DNMT1: variants seen among roughly 807,000 people sequenced by gnomAD.
DNMT1 encodes DNA methyltransferase 1.
In DNMT1, 24 loss-of-function variants were observed where a neutral mutation model predicts 205.3. That is an observed-to-expected ratio of 0.12 (90% CI 0.08 to 0.16). The LOEUF (loss-of-function observed/expected upper bound fraction) is 0.16, where lower values mean the gene tolerates loss of function less well. Among genes scored for constraint, DNMT1 ranks in the 10% least tolerant of loss-of-function variants. The pLI is 1.00. For missense variants in DNMT1, 1,293 were observed against 2,177.7 expected, an observed-to-expected ratio of 0.59 and a Z score of 8.09; for synonymous variants, 817 against 839.8, an observed-to-expected ratio of 0.97 and a Z score of 0.47.
intron 9 of DNMT1, among the ~76,000 whole-genome samples, 162 bp downstream of exon 9, chr19:10,172,928 A>G (rs1158435457): frequency 1.3e-5 from 2 of 152,170 alleles, no homozygotes; most frequent in East Asian, 3.8e-4. Context: ...CGAGAAAACA[A>G]GTTTGAAAGG....
rs117579193 is a variant in DNMT1, at chr19:10,137,042, C to T, written c.4489+43G>A. 0.017 allele frequency: 26,789 copies of T among 1,592,596 alleles called. 264 individuals carry two copies. The highest frequency in any genetic ancestry group is 0.02 in the Middle Eastern group (122 of 6,028). On this transcript the variant is annotated intron_variant, in intron 37 of 40. Transcript: ENST00000359526. This position sits in a 1 kb window ranked among gnomAD's most constrained non-coding sequence, Gnocchi z 6.4. ...GGCCAAAGGCCCAGGGCTCTGCCTT[C>T]CTTCCCCTCAGCCCACCGGGAACCA...
chr19:10,160,309 C>T, intron 14 of DNMT1, 75 bp downstream of exon 14: 1 of 1,603,182 alleles, frequency 6.2e-7, no homozygotes, highest in East Asian at 2.2e-5. Context: ...TTACTGAAAC[C>T]CCTTCCCTTT....
chr19:10,186,429 G>A (rs537982065), intron 1 of DNMT1, among the ~76,000 whole-genome samples: 2 of 152,196 alleles, frequency 1.3e-5, no homozygotes, highest in South Asian at 2.1e-4. Context: ...GCAGACAGCC[G>A]TGAAGGACGG....
intron 34 of DNMT1, 82 bp downstream of exon 34, chr19:10,139,594 T>C: frequency 6.4e-7 from 1 of 1,555,804 alleles, no homozygotes; most frequent in Admixed American, 1.9e-5. Flanking sequence ...CATTGAACCC[T>C]GCCTTCAGTA....
At chr19:10,141,425 G>A (rs1360254450) in intron 30 of DNMT1, 2 of 537,598 alleles carry the variant, frequency 3.7e-6, no homozygotes, top group Non-Finnish European at 6.7e-6. Flanking sequence ...AAGCACTTGA[G>A]AGTACCTTCT....
chr19:10,169,158 T>C (rs1423470354), intron 9 of DNMT1, among the ~76,000 whole-genome samples: 3 of 150,432 alleles, frequency 2.0e-5, no homozygotes, highest in Non-Finnish European at 4.4e-5. Context: ...ACCAGACACA[T>C]CTTGCCAGAG....
At position 10,146,589 on chromosome 19, in the gene DNMT1, C is replaced by T. The variant is rs533273977; in HGVS notation, c.2721-65G>A. 1.2e-5 allele frequency: 19 copies of T among 1,600,552 alleles called. No individual in the cohort carries two copies. The South Asian group carries it at 1.8e-4, about 15-fold the overall frequency. ...TGGCCGGCAGTGGCCGCAGCAGCTA[C>T]TGCCAGCTTAATCCAGAGACTCTGG... On this transcript the variant is annotated intron_variant, in intron 27 of 40. Transcript: ENST00000359526. The surrounding 1 kb of genome is among the most constrained non-coding windows in gnomAD (Gnocchi z 4.4).
intron 25 of DNMT1, 68 bp downstream of exon 25, chr19:10,149,785 G>C: frequency 6.2e-7 from 1 of 1,604,376 alleles, no homozygotes; most frequent in South Asian, 1.1e-5. Context: ...TGCTATTTTG[G>C]CAAAACAGGC....
intron 7 of DNMT1, among the ~76,000 whole-genome samples, chr19:10,175,128 C>CATAT (rs74178238): frequency 9.9e-6 from 1 of 100,670 alleles, no homozygotes; most frequent in Non-Finnish European, 1.9e-5. Context: ...CACACACACA[C>CATAT]ATATATATAA....
At chr19:10,139,269 C>T (rs944643143) in intron 34 of DNMT1, among the ~76,000 whole-genome samples, 4 of 152,218 alleles carry the variant, frequency 2.6e-5, no homozygotes, top group Non-Finnish European at 5.9e-5. Flanking sequence ...GCAAAACTGT[C>T]TTTTAAACCA....
intron 24 of DNMT1, 27 bp from the exon 25 acceptor site, chr19:10,149,995 A>G (rs975217599): frequency 4.4e-6 from 7 of 1,602,336 alleles, no homozygotes; most frequent in Non-Finnish European, 6.0e-6. Flanking sequence ...AAGTTCATGG[A>G]GGATCATTCT....
chr19:10,141,755 G>T, intron 30 of DNMT1: 1 of 481,560 alleles, frequency 2.1e-6, no homozygotes. Context: ...GTTGCACCAA[G>T]ACACTAAAAC....
intron 3 of DNMT1, 57 bp downstream of exon 3, chr19:10,180,721 A>G: frequency 6.4e-7 from 1 of 1,557,420 alleles, no homozygotes; most frequent in Non-Finnish European, 8.8e-7. Context: ...CTGGTCACAG[A>G]CAAGTTACTA....
At chr19:10,174,736 CA>C (rs1018339312) in intron 7 of DNMT1, among the ~76,000 whole-genome samples, 2 of 149,242 alleles carry the variant, frequency 1.3e-5, no homozygotes, top group Non-Finnish European at 3.0e-5. Flanking sequence ...ACAACAACAA[CA>C]AAAAAAACAA....
In DNMT1 at chr19:10,146,309, C is replaced by A. The variant is rs746253259; in HGVS notation, c.2894+42G>T. On this transcript the variant is annotated intron_variant, in intron 28 of 40. Transcript: ENST00000359526. The surrounding 1 kb of genome is among the most constrained non-coding windows in gnomAD (Gnocchi z 4.4). ...ACACCACAAAGCCAGCCTGGCTCAG[C>A]CTGGAGCGCCCTGGCCCCGGCTGCT... 1.2e-6 allele frequency: 2 copies of A among 1,609,218 alleles called. No homozygotes were observed. Among genetic ancestry groups the A allele is most frequent in the Non-Finnish European group, 1.7e-6 (2 of 1,178,070 alleles).
intron 28 of DNMT1, 117 bp from the exon 29 acceptor site, chr19:10,144,104 G>T: frequency 9.6e-7 from 1 of 1,040,070 alleles, no homozygotes; most frequent in Non-Finnish European, 1.5e-6. Context: ...ATTAAGGTAG[G>T]TGTGTACCCT....
chr19:10,135,917 G>T, intron 38 of DNMT1, 65 bp from the exon 39 acceptor site: 1 of 1,516,090 alleles, frequency 6.6e-7, no homozygotes, highest in Non-Finnish European at 8.9e-7. Context: ...TCGGGGACAG[G>T]GAGGGAAATG....
intron 1 of DNMT1, among the ~76,000 whole-genome samples, chr19:10,183,947 G>T (rs2039128951): frequency 6.6e-6 from 1 of 152,166 alleles, no homozygotes. Context: ...CCAGTTACTT[G>T]GGAGGCTGAG....
At chr19:10,139,543 GCA>G (rs1158126175) in intron 34 of DNMT1, 131 bp downstream of exon 34, 3 of 1,460,330 alleles carry the variant, frequency 2.1e-6, no homozygotes, top group Non-Finnish European at 2.8e-6. Flanking sequence ...GTGGGACAGA[GCA>G]CCATGCCAGC....
Sources: allele counts gnomAD v4.1 joint callset (sites outside exome capture counted in the v4.1 genomes callset), GRCh38; gene constraint gnomAD v4.1.1; non-coding constraint Gnocchi (gnomAD v3.1); transcripts MANE v1.5; gene names NCBI Gene and HGNC (gene_info 2026-07-23, HGNC 2026-07-21).